Variants in SNX29 observed in about 807,000 individuals in gnomAD.
The protein encoded by SNX29 is sorting nexin 29.
SNX29 carries 78 observed loss-of-function variants against 102.1 expected under a neutral mutation model. That is an observed-to-expected ratio of 0.76 (90% CI 0.64 to 0.92). The LOEUF is 0.92. SNX29 is among the 40% of genes least tolerant of loss of function. SNX29 has a pLI of 0.00. For missense variants in SNX29, 1,280 were observed against 1,061.7 expected (o/e 1.21, Z -2.86); for synonymous variants, 580 against 414.5 (o/e 1.40, Z -4.85).
rs76385589 is a variant in SNX29 at position 12,531,722 on chromosome 16, G to C, written c.2318+6881G>C. Among the ~76,000 whole-genome samples the C allele has an allele frequency of 6.6e-3, 999 of 152,310 alleles. 11 individuals carry two copies. Among genetic ancestry groups the C allele is most frequent in the African/African-American group, 0.023 (950 of 41,558 alleles). On this transcript the variant is annotated intron_variant, in intron 20 of 20. Coordinates refer to ENST00000566228, the MANE Select transcript of SNX29 (RefSeq NM_032167.5). The stretch of plus-strand genomic sequence containing the variant: ...GGGGACAAGGAGGGGAAGCCCGCTT[G>C]GGAGCAGATGAGATGAAAAGGAAGC...
Position 12,086,107 on chromosome 16 carries a change from C to T in SNX29, c.1402+7192C>T, listed in dbSNP as rs564943745. Reference sequence around the variant, plus strand: ...CAAGCTCCGCCTCCCGGGCTCACGCCATTCTCCTGCCTCAGCCTCCCAAGT... The same window carrying T: ...CAAGCTCCGCCTCCCGGGCTCACGCTATTCTCCTGCCTCAGCCTCCCAAGT... On this transcript the variant is annotated intron_variant, in intron 11 of 20. Coordinates refer to ENST00000566228, the MANE Select transcript of SNX29 (RefSeq NM_032167.5). Among the ~76,000 whole-genome samples the T allele has an allele frequency of 4.0e-5, 6 of 151,600 alleles. No homozygotes were observed. In the East Asian group the frequency reaches 1.2e-3, roughly 30 times the overall value.
intron 11 of SNX29, among the ~76,000 whole-genome samples, chr16:12,102,203 T>C (rs567742921): frequency 5.3e-5 from 8 of 152,218 alleles, no homozygotes; most frequent in African/African-American, 1.4e-4. Flanking sequence ...TCTTTGCTAT[T>C]GTGAATAGTG....
chr16:12,044,379 CT>C (rs1203175895), intron 5 of SNX29, among the ~76,000 whole-genome samples: 1 of 152,144 alleles, frequency 6.6e-6, no homozygotes, highest in Non-Finnish European at 1.5e-5. Context: ...TAAAAATACT[CT>C]TAAAGTTCTC....
At chr16:12,352,766 T>C (rs901346481) in intron 15 of SNX29, among the ~76,000 whole-genome samples, 2 of 152,234 alleles carry the variant, frequency 1.3e-5, no homozygotes, top group Non-Finnish European at 2.9e-5. Flanking sequence ...GGGCTGGGTT[T>C]GTGGCTGTGT....
At chr16:12,240,507 T>G (rs757420663) in intron 14 of SNX29, among the ~76,000 whole-genome samples, 1 of 151,966 alleles carries the variant, frequency 6.6e-6, no homozygotes, top group Non-Finnish European at 1.5e-5. Flanking sequence ...ATTTTTTTTC[T>G]GTCGGTTTTT....
chr16:12,559,040 A>G (rs1361407595), intron 20 of SNX29, among the ~76,000 whole-genome samples: 3 of 152,162 alleles, frequency 2.0e-5, no homozygotes, highest in African/African-American at 7.2e-5. Flanking sequence ...AAGTAAATTC[A>G]CACATCGTAA....
chr16:12,528,200 G>A (rs541501919), intron 20 of SNX29, among the ~76,000 whole-genome samples: 5 of 152,072 alleles, frequency 3.3e-5, no homozygotes, highest in South Asian at 2.1e-4. Flanking sequence ...AAATCCAGAC[G>A]TCAAGCTTCT....
intron 13 of SNX29, among the ~76,000 whole-genome samples, chr16:12,145,050 G>C (rs2055009313): frequency 6.6e-6 from 1 of 152,178 alleles, no homozygotes; most frequent in African/African-American, 2.4e-5. Flanking sequence ...ATCTGCCTCT[G>C]AGCTTTCAAC....
intron 20 of SNX29, among the ~76,000 whole-genome samples, chr16:12,532,627 G>T (rs538583893): frequency 1.1e-4 from 16 of 152,328 alleles, no homozygotes; most frequent in Non-Finnish European, 4.4e-5. Context: ...TCTTTGGGAT[G>T]CGATTTCCTG....
chr16:12,374,327 T>C (rs1400531181), intron 16 of SNX29: 1 of 152,266 alleles, frequency 6.6e-6, no homozygotes, highest in Non-Finnish European at 1.5e-5. Context: ...TGAGCTATAA[T>C]GACTGAATCC....
intron 11 of SNX29, among the ~76,000 whole-genome samples, chr16:12,122,784 G>A (rs1297585802): frequency 6.6e-6 from 1 of 151,988 alleles, no homozygotes; most frequent in Non-Finnish European, 1.5e-5. Context: ...CTGAGGCCGG[G>A]CTCCAACTTT....
chr16:12,237,139 G>A (rs1028463960), intron 14 of SNX29, among the ~76,000 whole-genome samples: 1 of 152,334 alleles, frequency 6.6e-6, no homozygotes, highest in East Asian at 1.9e-4. Context: ...CCGTGCCCCA[G>A]TCTCCAGAGT....
chr16:12,045,610 A>ATATTATTATTATTATTATTATTATTAT (rs68189960), intron 5 of SNX29, among the ~76,000 whole-genome samples: 3 of 127,292 alleles, frequency 2.4e-5, no homozygotes, highest in Non-Finnish European at 5.1e-5. Flanking sequence ...GGCAGGCATT[A>ATATTATTATTATTATTATTATTATTAT]TATTATTATT....
At chr16:12,522,234 A>G (rs1369808037) in intron 19 of SNX29, among the ~76,000 whole-genome samples, 1 of 152,252 alleles carries the variant, frequency 6.6e-6, no homozygotes, top group Non-Finnish European at 1.5e-5. Flanking sequence ...TGTATAGAAC[A>G]TACTTTTTGC....
intron 13 of SNX29, among the ~76,000 whole-genome samples, chr16:12,183,024 G>C (rs546809920): frequency 6.6e-6 from 1 of 151,672 alleles, no homozygotes; most frequent in African/African-American, 2.4e-5. Flanking sequence ...TGGGGGTAGA[G>C]ACAGGGTCTC....
At chr16:12,239,143 A>G (rs1017765389) in intron 14 of SNX29, among the ~76,000 whole-genome samples, 10 of 152,196 alleles carry the variant, frequency 6.6e-5, no homozygotes, top group African/African-American at 2.4e-4. Context: ...GCCTTTCTGA[A>G]TAGGGCTTCT....
intron 18 of SNX29, among the ~76,000 whole-genome samples, chr16:12,458,346 A>G (rs1373598037): frequency 6.6e-6 from 1 of 152,174 alleles, no homozygotes; most frequent in African/African-American, 2.4e-5. Flanking sequence ...ACAGGGAGGC[A>G]GAAGTCTTCT....
At chr16:12,135,870 C>T in intron 13 of SNX29, 1 of 329,774 alleles carries the variant, frequency 3.0e-6, no homozygotes, top group East Asian at 6.4e-5. Context: ...AACAATCAAC[C>T]TGCCAGGTCC....
At chr16:12,526,563 C>G (rs1420370718) in intron 20 of SNX29, 1 of 528,422 alleles carries the variant, frequency 1.9e-6, no homozygotes, top group Non-Finnish European at 3.7e-6. Context: ...CTGGATCTCA[C>G]TGTTTGGAAA....
Sources: gnomAD v4.1 joint callset for allele counts (sites outside exome capture counted in the v4.1 genomes callset) on GRCh38, gnomAD v4.1.1 for gene constraint, MANE v1.5 for transcripts, NCBI Gene and HGNC (gene_info 2026-07-23, HGNC 2026-07-21) for gene names.